The following MERTK variants were observed in gnomAD, a reference collection of about 807,000 sequenced individuals.
MERTK encodes MER proto-oncogene, tyrosine kinase.
In MERTK, 69 loss-of-function variants were observed where a neutral mutation model predicts 99.3. That is an observed-to-expected ratio of 0.70 (90% CI 0.57 to 0.85). The LOEUF (loss-of-function observed/expected upper bound fraction) is 0.85. MERTK is among the 40% of genes least tolerant of loss of function. The probability of loss-of-function intolerance (pLI) is 0.00; values close to 1 mark genes in which losing one functional copy is unlikely to be tolerated. For missense variants in MERTK, 1,125 were observed against 1,249.4 expected (o/e 0.90, Z 1.50); for synonymous variants, 426 against 467.6 (o/e 0.91, Z 1.15).
At chr2:111,922,635 T>A (rs1684486676) in intron 1 of MERTK, among the ~76,000 whole-genome samples, 1 of 152,234 alleles carries the variant, frequency 6.6e-6, no homozygotes, top group South Asian at 2.1e-4. Flanking sequence ...CCAATATTTT[T>A]GGAGTGTGCT....
At chr2:112,010,589 T>A (rs1444105502) in intron 15 of MERTK, among the ~76,000 whole-genome samples, 1 of 152,170 alleles carries the variant, frequency 6.6e-6, no homozygotes, top group African/African-American at 2.4e-5. Flanking sequence ...TGGATGTAGC[T>A]GTAGAGGCAG....
At chr2:111,940,166 T>C (rs1170402634) in intron 2 of MERTK, 4 of 197,368 alleles carry the variant, frequency 2.0e-5, no homozygotes, top group Non-Finnish European at 4.1e-5. Context: ...GTGGTAAACC[T>C]CTAGAACTTA....
chr2:111,973,073 C>G (rs1292140183), intron 6 of MERTK, among the ~76,000 whole-genome samples: 1 of 152,164 alleles, frequency 6.6e-6, no homozygotes, highest in African/African-American at 2.4e-5. Flanking sequence ...GCCACACACT[C>G]CATTTCTAAT....
intron 1 of MERTK, among the ~76,000 whole-genome samples, chr2:111,900,256 A>G (rs572992613): frequency 6.6e-6 from 1 of 152,276 alleles, no homozygotes; most frequent in East Asian, 1.9e-4. Context: ...CAGTGCACCC[A>G]CTTTTTGCAC....
chr2:111,960,124 A>G (rs1240492437), intron 4 of MERTK, among the ~76,000 whole-genome samples: 2 of 152,192 alleles, frequency 1.3e-5, no homozygotes, highest in Admixed American at 6.5e-5. Context: ...TCTCTTGACC[A>G]TATTTTGAGA....
intron 10 of MERTK, among the ~76,000 whole-genome samples, chr2:112,000,621 C>G: frequency 6.6e-6 from 1 of 152,298 alleles, no homozygotes; most frequent in South Asian, 2.1e-4. Context: ...ATCAAGGGTG[C>G]ATATTAACAT....
chr2:112,028,225 A>G (rs113931993), intron 18 of MERTK, 126 bp from the exon 19 acceptor site: 4 of 1,104,594 alleles, frequency 3.6e-6, no homozygotes, highest in African/African-American at 1.6e-5. Context: ...AGTCTCAATA[A>G]TTTTTATAAA....
chr2:111,983,006 C>A lies in MERTK; in HGVS notation c.1296+13C>A. On this transcript the variant is annotated intron_variant, in intron 8 of 18. Transcript: ENST00000295408. The stretch of plus-strand genomic sequence containing the variant: ...TGCAGGGATTTCCGTAAGTCTAAAC[C>A]CTAGAAGAGCACGATTAGTCATCTC... 6.2e-7 allele frequency: 1 copy of A among 1,605,124 alleles called. No individual in the cohort carries two copies. The highest frequency in any genetic ancestry group is 8.5e-7 in the Non-Finnish European group (1 of 1,176,412).
chr2:111,926,621 G>A (rs1379382985), intron 1 of MERTK, among the ~76,000 whole-genome samples: 1 of 152,206 alleles, frequency 6.6e-6, no homozygotes, highest in Non-Finnish European at 1.5e-5. Context: ...CAGCTACTCA[G>A]GAGGCTGAGG....
chr2:111,989,137 GTC>G (rs1676555424), intron 8 of MERTK, among the ~76,000 whole-genome samples: 1 of 152,034 alleles, frequency 6.6e-6, no homozygotes. Context: ...TCATAATACA[GTC>G]TCATTCAAAT....
chr2:111,975,222 C>A, intron 6 of MERTK, 67 bp from the exon 7 acceptor site: 1 of 1,502,116 alleles, frequency 6.7e-7, no homozygotes, highest in Non-Finnish European at 9.3e-7. Context: ...CGAATGCACA[C>A]AGGCCCCGTG....
Position 111,968,237 on chromosome 2 carries a change from GA to G in MERTK, c.947del (p.Asn316IlefsTer12). On this transcript the variant is annotated frameshift_variant, in exon 6 of 19. Transcript: ENST00000295408. LOFTEE classifies it high-confidence loss of function. ...PGFDGYSPFRNCSIQVKEADP... is the reference protein window; with the variant it reads ...PGFDGYSPFRXCSIQVKEADP... The stretch of plus-strand genomic sequence containing the variant: ...GTTTTGATGGATACTCCCCGTTCAG[GA>G]ATTGCAGCATTCAGGTAAAGTTCCA... The G allele has an allele frequency of 3.1e-6, 5 of 1,613,308 alleles. No individual in the cohort carries two copies. Among genetic ancestry groups the G allele is most frequent in the Non-Finnish European group, 4.2e-6 (5 of 1,179,350 alleles).
intron 1 of MERTK, among the ~76,000 whole-genome samples, chr2:111,899,507 G>A (rs1161208767): frequency 6.6e-6 from 1 of 151,976 alleles, no homozygotes; most frequent in African/African-American, 2.4e-5. Flanking sequence ...TCAGCGAAGT[G>A]TTGTTACAGG....
At position 111,977,205 on chromosome 2, in the gene MERTK, T is replaced by C. The variant is rs577678893; in HGVS notation, c.1144+1733T>C. Among the ~76,000 whole-genome samples, 19 of 152,252 alleles carry C rather than the reference T, an allele frequency of 1.2e-4. No individual in the cohort carries two copies. In the South Asian group the frequency reaches 3.9e-3, roughly 32 times the overall value. ...AAAATCATTTCTTCTAGTGTGGATC[T>C]GCTGGTATGGTATTCAGCTCCTGTA... is the stretch of plus-strand genomic sequence containing the variant. On this transcript the variant is annotated intron_variant, in intron 7 of 18. Coordinates refer to ENST00000295408, the MANE Select transcript of MERTK (RefSeq NM_006343.3).
intron 6 of MERTK, among the ~76,000 whole-genome samples, chr2:111,970,801 CCCCTCCTCCTCCTCCT>C (rs1177121486): frequency 1.4e-4 from 3 of 21,446 alleles, no homozygotes; most frequent in Admixed American, 5.6e-4. Context: ...CTCCTCCTCC[CCCCTCCTCCTCCTCCT>C]CCCTCCTCCT....
At chr2:111,978,951 G>A (rs1676312494) in intron 7 of MERTK, among the ~76,000 whole-genome samples, 1 of 152,172 alleles carries the variant, frequency 6.6e-6, no homozygotes, top group Admixed American at 6.5e-5. Context: ...GCTGACACAA[G>A]ACCATTCTGT....
chr2:111,993,579 C>T (rs192862871), intron 8 of MERTK, among the ~76,000 whole-genome samples: 18 of 152,264 alleles, frequency 1.2e-4, no homozygotes, highest in East Asian at 3.9e-4. Flanking sequence ...TAGTTTCCTA[C>T]GCCAGAGAAC....
intron 2 of MERTK, among the ~76,000 whole-genome samples, chr2:111,933,753 G>A (rs1171607897): frequency 1.3e-5 from 2 of 152,012 alleles, no homozygotes; most frequent in African/African-American, 4.8e-5. Flanking sequence ...TAAGTTCTGG[G>A]ATACATGTGC....
rs746491210 is a variant in MERTK, at chr2:112,008,528, T to C, written c.1960+53T>C. On this transcript the variant is annotated intron_variant, in intron 14 of 18. Coordinates refer to ENST00000295408, the MANE Select transcript of MERTK (RefSeq NM_006343.3). ...GGCCAAGAGGGCTCTGCTGATCTGC[T>C]CTGTGCCAAAGGAAAAAATCTCTGG... is the stretch of plus-strand genomic sequence containing the variant. 24 of 1,362,636 alleles carry C rather than the reference T, an allele frequency of 1.8e-5. No homozygotes were observed. The South Asian group carries it at 2.4e-4, about 14-fold the overall frequency. 84.4% of individuals were successfully genotyped at this position (1,362,636 alleles called of 1,614,324 possible). A position where few individuals can be genotyped will look rare whatever the true frequency, so the allele number is the denominator to read the frequency against.
Sources: allele counts gnomAD v4.1 joint callset (sites outside exome capture counted in the v4.1 genomes callset), GRCh38; gene constraint gnomAD v4.1.1; transcripts MANE v1.5; gene names NCBI Gene and HGNC (gene_info 2026-07-23, HGNC 2026-07-21).